Variants in KCND2 observed in about 807,000 individuals in gnomAD.
The protein encoded by KCND2 is A-type voltage-gated potassium channel KCND2.
Under a neutral mutation model 54.4 loss-of-function variants are expected in KCND2, and 16 were observed. The ratio of observed to expected loss-of-function variants is 0.29; its 90% CI spans 0.20 to 0.45. KCND2 has a LOEUF of 0.45. Among genes scored for constraint, KCND2 ranks in the 20% least tolerant of loss-of-function variants. The pLI is 1.00. For missense variants in KCND2, 486 were observed against 824.2 expected (o/e 0.59, Z 5.02); for synonymous variants, 317 against 310.7 (o/e 1.02, Z -0.21).
intron 1 of KCND2, among the ~76,000 whole-genome samples, chr7:120,571,600 A>G (rs1344305227): frequency 1.3e-5 from 2 of 152,226 alleles, no homozygotes; most frequent in African/African-American, 2.4e-5. Context: ...TTTTACATAA[A>G]GCATCAAAGC....
At chr7:120,609,492 G>A (rs1792924718) in intron 1 of KCND2, among the ~76,000 whole-genome samples, 1 of 152,126 alleles carries the variant, frequency 6.6e-6, no homozygotes, top group Admixed American at 6.6e-5. Context: ...AATGCATACA[G>A]TGTGGATGTC....
chr7:120,604,472 C>T (rs992615474), intron 1 of KCND2, among the ~76,000 whole-genome samples: 20 of 150,462 alleles, frequency 1.3e-4, no homozygotes. Context: ...CACTGCACTC[C>T]AGCCTGGGTG....
chr7:120,502,475 C>T (rs1802950939), intron 1 of KCND2, among the ~76,000 whole-genome samples: 1 of 152,028 alleles, frequency 6.6e-6, no homozygotes, highest in South Asian at 2.1e-4. Context: ...AGACTGGGGA[C>T]TGTCACCTAT....
At chr7:120,561,703 C>T (rs967447521) in intron 1 of KCND2, among the ~76,000 whole-genome samples, 3 of 147,614 alleles carry the variant, frequency 2.0e-5, no homozygotes, top group African/African-American at 7.6e-5. Context: ...CCTTCGCCTC[C>T]CAGGTACAAG....
chr7:120,619,187 T>G (rs1793066933), intron 1 of KCND2, among the ~76,000 whole-genome samples: 1 of 152,230 alleles, frequency 6.6e-6, no homozygotes, highest in Non-Finnish European at 1.5e-5. Context: ...ATTCCAGGAC[T>G]TTGGGAGGCC....
At chr7:120,547,893 C>T (rs1689873028) in intron 1 of KCND2, among the ~76,000 whole-genome samples, 1 of 151,986 alleles carries the variant, frequency 6.6e-6, no homozygotes, top group South Asian at 2.1e-4. Context: ...TTTCTAGATA[C>T]AGCCTTTCTC....
intron 1 of KCND2, among the ~76,000 whole-genome samples, chr7:120,433,293 C>G (rs1291357110): frequency 2.0e-5 from 3 of 152,182 alleles, no homozygotes; most frequent in African/African-American, 7.2e-5. Context: ...AAAGATGGAA[C>G]AGTGCTGCTC....
Position 120,747,800 on chromosome 7 carries a change from A to G in KCND2, c.1835A>G (p.Asp612Gly). Residue 612 changes from aspartate to glycine, a missense_variant, in exon 6 of 6, where the codon GAT becomes GGT. Around this residue, in one of 7 missense-constraint regions of KCND2, gnomAD observed 202 missense variants for 252.7 expected, o/e 0.80. Transcript: ENST00000331113. ...TPPVTTPEGD[D>G]RPESPEYSGG... ...CCAGTAACCACACCAGAAGGAGACGATAGGCCAGAATCCCCTGAGTACTCA... is the reference window on the plus strand; with the variant it reads ...CCAGTAACCACACCAGAAGGAGACGGTAGGCCAGAATCCCCTGAGTACTCA... The G allele has an allele frequency of 2.5e-6, 4 of 1,612,828 alleles. No homozygotes were observed. The highest frequency in any genetic ancestry group is 3.4e-6 in the Non-Finnish European group (4 of 1,179,162).
At position 120,732,996 on chromosome 7, in the gene KCND2, G is replaced by T. The variant is rs139984469; in HGVS notation, c.1209G>T (p.Pro403=). ...SGVLVIALPV[P]VIVSNFSRIY... ...TCTTGGTCATTGCTCTACCTGTTCC[G>T]GTGATTGTATCCAACTTCAGTCGCA... The change falls in exon 2 of 6, where the codon CCG becomes CCT. Residue 403 remains proline (P), a synonymous_variant. Transcript: ENST00000331113. 6.2e-7 allele frequency: 1 copy of T among 1,613,536 alleles called. No individual in the cohort carries two copies. The highest frequency in any genetic ancestry group is 1.7e-5 in the Admixed American group (1 of 59,944).
chr7:120,320,496 G>T (rs1441884124), intron 1 of KCND2, among the ~76,000 whole-genome samples: 4 of 152,114 alleles, frequency 2.6e-5, no homozygotes, highest in Admixed American at 2.6e-4. Flanking sequence ...TGGCAAATTA[G>T]GGAAAAGGCC....
At chr7:120,723,080 G>C (rs1294615165) in intron 1 of KCND2, among the ~76,000 whole-genome samples, 1 of 152,178 alleles carries the variant, frequency 6.6e-6, no homozygotes. Context: ...TCAAAGGCCA[G>C]GAAGAGATGG....
chr7:120,476,313 G>A (rs1379255533), intron 1 of KCND2, among the ~76,000 whole-genome samples: 3 of 152,182 alleles, frequency 2.0e-5, no homozygotes, highest in Admixed American at 2.0e-4. Flanking sequence ...CTTACAATGT[G>A]CCTGGCACAG....
intron 1 of KCND2, among the ~76,000 whole-genome samples, chr7:120,339,670 G>GAA (rs1341310550): frequency 2.0e-5 from 3 of 152,138 alleles, no homozygotes; most frequent in African/African-American, 7.2e-5. Flanking sequence ...TTACATTAGG[G>GAA]AAACCCACAC....
intron 1 of KCND2, among the ~76,000 whole-genome samples, chr7:120,557,312 A>G (rs2116404491): frequency 6.6e-6 from 1 of 152,210 alleles, no homozygotes. Context: ...TTTTCTTGCT[A>G]TTTTGAAATT....
At chr7:120,485,923 A>G (rs192573331) in intron 1 of KCND2, among the ~76,000 whole-genome samples, 33 of 152,346 alleles carry the variant, frequency 2.2e-4, no homozygotes, top group Admixed American at 2.0e-3. Flanking sequence ...TTTTAAATGC[A>G]TAAATAAATG....
In KCND2 at chr7:120,742,165, G is replaced by A. The variant is rs1033067387; in HGVS notation, c.1375-345G>A. 4.6e-5 allele frequency among the ~76,000 whole-genome samples: 7 copies of A among 151,974 alleles called. No individual in the cohort carries two copies. In the South Asian group the frequency reaches 8.3e-4, roughly 18 times the overall value. Reference sequence around the variant, plus strand: ...TACTTACAAAATAGCTTTTATTTACGTGCACATGATCGTGGTTTCAAAATT... The same window carrying A: ...TACTTACAAAATAGCTTTTATTTACATGCACATGATCGTGGTTTCAAAATT... On this transcript the variant is annotated intron_variant, in intron 3 of 5. Coordinates refer to ENST00000331113, the MANE Select transcript of KCND2 (RefSeq NM_012281.3).
At position 120,275,625 on chromosome 7, in the gene KCND2, C is replaced by A. The variant is rs1018289599; in HGVS notation, c.993C>A (p.Leu331=). The A allele has an allele frequency of 1.9e-6, 3 of 1,610,430 alleles. No individual in the cohort carries two copies. The highest frequency in any genetic ancestry group is 2.7e-5 in the African/African-American group (2 of 74,854). The change falls in exon 1 of 6, where the codon CTC becomes CTA. Residue 331 remains leucine (L), a synonymous_variant. Transcript: ENST00000331113. ...AATTGGGCTTCTTGCTTTTCTCGCT[C>A]ACCATGGCTATCATCATCTTCGCTA... The part of the protein sequence containing the change: ...ASELGFLLFS[L]TMAIIIFATV...
intron 1 of KCND2, among the ~76,000 whole-genome samples, chr7:120,643,416 A>G (rs1037659827): frequency 1.3e-5 from 2 of 152,150 alleles, no homozygotes; most frequent in Non-Finnish European, 2.9e-5. Flanking sequence ...AAATATATAT[A>G]TACTCAAATG....
intron 1 of KCND2, among the ~76,000 whole-genome samples, chr7:120,547,920 G>A (rs1365403619): frequency 6.6e-6 from 1 of 151,948 alleles, no homozygotes; most frequent in South Asian, 2.1e-4. Context: ...GAAAGAAACG[G>A]CAGTATTTCA....
Sources: gnomAD v4.1 joint callset for allele counts (sites outside exome capture counted in the v4.1 genomes callset) on GRCh38, gnomAD v4.1.1 for gene constraint, gnomAD v4.1.1 regional missense constraint, MANE v1.5 for transcripts, NCBI Gene and HGNC (gene_info 2026-07-23, HGNC 2026-07-21) for gene names.